The following GLCCI1 variants were observed in gnomAD, a reference collection of about 807,000 sequenced individuals.
The protein encoded by GLCCI1 is glucocorticoid-induced transcript 1 protein.
In GLCCI1, 24 loss-of-function variants were observed where a neutral mutation model predicts 52.2. The ratio of observed to expected loss-of-function variants is 0.46; its 90% CI spans 0.33 to 0.65. The LOEUF (loss-of-function observed/expected upper bound fraction) is 0.65, where lower values mean the gene tolerates loss of function less well. Ranked by LOEUF, GLCCI1 falls within the 30% of genes least tolerant of loss-of-function variation. The pLI, the probability that GLCCI1 is intolerant of heterozygous loss-of-function variation, is 0.02. For synonymous variants in GLCCI1, 310 were observed against 276.5 expected (o/e 1.12, Z -1.20); for missense variants, 704 against 701.5 (o/e 1.00, Z -0.04).
intron 1 of GLCCI1, among the ~76,000 whole-genome samples, chr7:7,975,157 G>A (rs75190925): frequency 0.032 from 4,917 of 152,128 alleles, 259 homozygotes; most frequent in African/African-American, 0.11. Context: ...TGGCTATTCT[G>A]GAAGAATTTT....
intron 1 of GLCCI1, among the ~76,000 whole-genome samples, chr7:8,003,653 A>G (rs1055345676): frequency 6.6e-6 from 1 of 152,132 alleles, no homozygotes; most frequent in Non-Finnish European, 1.5e-5. Flanking sequence ...ATGAGATGAT[A>G]TGCAGATTTA....
At chr7:8,072,185 A>G (rs1042271165) in intron 6 of GLCCI1, among the ~76,000 whole-genome samples, 2 of 152,208 alleles carry the variant, frequency 1.3e-5, no homozygotes, top group African/African-American at 2.4e-5. Flanking sequence ...TTCCATCACT[A>G]TAATTTAATT....
At chr7:8,050,493 C>A (rs1023500062) in intron 3 of GLCCI1, among the ~76,000 whole-genome samples, 1 of 152,082 alleles carries the variant, frequency 6.6e-6, no homozygotes, top group African/African-American at 2.4e-5. Context: ...TCTTTTGGGA[C>A]ATGTGATCTT....
Position 8,070,973 on chromosome 7 carries a change from G to T in GLCCI1, c.1019G>T (p.Ser340Ile). The T allele has an allele frequency of 6.2e-7, 1 of 1,614,134 alleles. No homozygotes were observed. Among genetic ancestry groups the T allele is most frequent in the South Asian group, 1.1e-5 (1 of 91,086 alleles). ...RRAPLPAHYR[S>I]SSTRSIDTQT... is the part of the protein sequence containing the mutation. ...GCTCCACTTCCTGCTCATTACCGGA[G>T]CAGTAGTACTCGCAGCATTGACACT... is the stretch of plus-strand genomic sequence containing the variant. The change falls in exon 6 of 8, where the codon AGC becomes ATC. Residue 340 changes from serine to isoleucine, a missense_variant. By Grantham distance (142) the Ser-to-Ile change is moderately radical (BLOSUM62 -2). This residue lies in a region of GLCCI1 where 547 missense variants were observed against 524.8 expected (regional missense o/e 1.04). Transcript: ENST00000223145.
intron 2 of GLCCI1, among the ~76,000 whole-genome samples, chr7:8,015,359 C>G (rs949704340): frequency 2.6e-5 from 4 of 152,226 alleles, no homozygotes; most frequent in Admixed American, 1.3e-4. Context: ...TTCCTGTGCC[C>G]TTGTCAAAGG....
At chr7:7,992,040 ATTTTTTCTTTCT>A (rs1413198130) in intron 1 of GLCCI1, among the ~76,000 whole-genome samples, 1 of 135,568 alleles carries the variant, frequency 7.4e-6, no homozygotes, top group Non-Finnish European at 1.6e-5. Flanking sequence ...ATTAGAATTT[ATTTTTTCTTTCT>A]TTCTTTCTTT....
chr7:8,011,339 T>C (rs1215993531), intron 2 of GLCCI1, among the ~76,000 whole-genome samples: 1 of 152,162 alleles, frequency 6.6e-6, no homozygotes, highest in African/African-American at 2.4e-5. Context: ...GTAGCCATCA[T>C]TCTATTTTCT....
rs1017126853 is a variant in GLCCI1 at position 7,980,097 on chromosome 7, T to A, written c.457+10290T>A. 2.6e-5 allele frequency among the ~76,000 whole-genome samples: 4 copies of A among 152,228 alleles called. No homozygotes were observed. The South Asian group carries it at 6.2e-4, about 24-fold the overall frequency. ...ACACCTGGCTAATTTTTTGTATTTTTAGTAGAGATGGGGTTTCGAACTCCT... is the reference window on the plus strand; with the variant it reads ...ACACCTGGCTAATTTTTTGTATTTTAAGTAGAGATGGGGTTTCGAACTCCT... On this transcript the variant is annotated intron_variant, in intron 1 of 7. Coordinates refer to ENST00000223145, the MANE Select transcript of GLCCI1 (RefSeq NM_138426.4).
At chr7:7,992,960 G>A (rs1780871770) in intron 1 of GLCCI1, among the ~76,000 whole-genome samples, 3 of 151,794 alleles carry the variant, frequency 2.0e-5, no homozygotes, top group Non-Finnish European at 2.9e-5. Flanking sequence ...CATCATTTCC[G>A]AGTATTTTTT....
chr7:7,988,015 T>C (rs1239872661), intron 1 of GLCCI1, among the ~76,000 whole-genome samples: 1 of 152,174 alleles, frequency 6.6e-6, no homozygotes, highest in Non-Finnish European at 1.5e-5. Context: ...GGAGTCTTCT[T>C]GGAGATGAGA....
intron 2 of GLCCI1, among the ~76,000 whole-genome samples, chr7:8,008,786 A>G (rs968377305): frequency 1.7e-4 from 26 of 152,184 alleles, no homozygotes; most frequent in Admixed American, 1.3e-3. Flanking sequence ...GAAATGAATA[A>G]AAAATAAGAT....
At chr7:7,981,814 A>G (rs1008840785) in intron 1 of GLCCI1, 1 of 423,502 alleles carries the variant, frequency 2.4e-6, no homozygotes, top group African/African-American at 2.1e-5. Flanking sequence ...TCTGAAAGAT[A>G]AAGTAAGCCC....
Position 8,039,416 on chromosome 7 carries a change from A to G in GLCCI1, c.697-16017A>G, listed in dbSNP as rs200428597. On this transcript the variant is annotated intron_variant, in intron 3 of 7. Coordinates refer to ENST00000223145, the MANE Select transcript of GLCCI1 (RefSeq NM_138426.4). ...AGAAAATGTGTGTCTGTGTGTGTGTATATATATGTATATACACACACCACG... is the reference window on the plus strand; with the variant it reads ...AGAAAATGTGTGTCTGTGTGTGTGTGTATATATGTATATACACACACCACG... Among the ~76,000 whole-genome samples the G allele has an allele frequency of 1.7e-4, 26 of 152,270 alleles. No homozygotes were observed. In the East Asian group the frequency reaches 4.6e-3, roughly 27 times the overall value.
chr7:8,073,134 T>C (rs1379565815), intron 6 of GLCCI1, among the ~76,000 whole-genome samples: 1 of 152,096 alleles, frequency 6.6e-6, no homozygotes, highest in East Asian at 1.9e-4. Context: ...AAGTTAAGAG[T>C]AGCACTGGCT....
At chr7:8,034,334 C>T (rs969087366) in intron 3 of GLCCI1, among the ~76,000 whole-genome samples, 19 of 151,994 alleles carry the variant, frequency 1.3e-4, no homozygotes, top group Non-Finnish European at 1.6e-4. Flanking sequence ...TAGATACAAT[C>T]TCAAGAGTAA....
chr7:8,079,561 G>A (rs1448933770), intron 6 of GLCCI1, among the ~76,000 whole-genome samples: 1 of 151,460 alleles, frequency 6.6e-6, no homozygotes, highest in Non-Finnish European at 1.5e-5. Context: ...ATCAGATTTA[G>A]AGTGAGTAGT....
intron 7 of GLCCI1, 81 bp downstream of exon 7, chr7:8,085,098 A>G: frequency 6.7e-7 from 1 of 1,487,646 alleles, no homozygotes; most frequent in Non-Finnish European, 9.3e-7. Context: ...CATATGAATC[A>G]ACTACTCTAT....
intron 6 of GLCCI1, among the ~76,000 whole-genome samples, chr7:8,075,646 A>G (rs17142716): frequency 0.08 from 12,117 of 152,238 alleles, 602 homozygotes; most frequent in East Asian, 0.23. Flanking sequence ...GCTACTTATC[A>G]TTGATCTTTG....
chr7:8,045,708 C>T (rs970110090), intron 3 of GLCCI1, among the ~76,000 whole-genome samples: 2 of 152,080 alleles, frequency 1.3e-5, no homozygotes, highest in African/African-American at 4.8e-5. Context: ...AGATGTGGCA[C>T]CTGAATTAGA....
Sources: gnomAD v4.1 joint callset for allele counts (sites outside exome capture counted in the v4.1 genomes callset) on GRCh38, gnomAD v4.1.1 for gene constraint, gnomAD v4.1.1 regional missense constraint, MANE v1.5 for transcripts, NCBI Gene and HGNC (gene_info 2026-07-23, HGNC 2026-07-21) for gene names.